The following CDH13 variants were observed in gnomAD, a reference collection of about 807,000 sequenced individuals.
CDH13 encodes cadherin-13.
In CDH13, 24 loss-of-function variants were observed where a neutral mutation model predicts 63.8. That is an observed-to-expected ratio of 0.38 (90% CI 0.27 to 0.53). The LOEUF (loss-of-function observed/expected upper bound fraction) is 0.53, where lower values mean the gene tolerates loss of function less well. CDH13 is among the 20% of genes least tolerant of loss of function. The probability of loss-of-function intolerance (pLI) is 0.85; values close to 1 mark genes in which losing one functional copy is unlikely to be tolerated. For missense variants in CDH13, 1,049 were observed against 903.1 expected, an observed-to-expected ratio of 1.16 and a Z score of -2.07; for synonymous variants, 503 against 355.3, an observed-to-expected ratio of 1.42 and a Z score of -4.67.
chr16:83,428,852 C>G (rs533954321), intron 6 of CDH13, among the ~76,000 whole-genome samples: 1 of 152,302 alleles, frequency 6.6e-6, no homozygotes, highest in African/African-American at 2.4e-5. Flanking sequence ...CCCCATCTTC[C>G]AGTGCATTCA....
chr16:82,636,847 G>A (rs34280504), intron 1 of CDH13, among the ~76,000 whole-genome samples: 18,426 of 152,140 alleles, frequency 0.12, 1,301 homozygotes, highest in East Asian at 0.34. Flanking sequence ...ATTTGAATCT[G>A]CCAACCTGAG....
intron 2 of CDH13, among the ~76,000 whole-genome samples, chr16:82,896,399 C>T (rs2041264124): frequency 6.7e-6 from 1 of 149,522 alleles, no homozygotes; most frequent in South Asian, 2.1e-4. Context: ...TCAAGTAATC[C>T]TCCCACCTCT....
chr16:82,768,013 G>C (rs894983015), intron 1 of CDH13, among the ~76,000 whole-genome samples: 1 of 152,092 alleles, frequency 6.6e-6, no homozygotes, highest in Non-Finnish European at 1.5e-5. Flanking sequence ...CCATCCCTGA[G>C]TCATGGGCGT....
At chr16:82,923,334 C>T (rs2042213422) in intron 2 of CDH13, among the ~76,000 whole-genome samples, 1 of 152,132 alleles carries the variant, frequency 6.6e-6, no homozygotes, top group African/African-American at 2.4e-5. Flanking sequence ...GCATGGTATG[C>T]TCAGAACTAC....
chr16:82,630,616 G>A (rs1053371894), intron 1 of CDH13, among the ~76,000 whole-genome samples: 11 of 152,162 alleles, frequency 7.2e-5, no homozygotes, highest in Non-Finnish European at 1.2e-4. Flanking sequence ...ATCAGCACTT[G>A]GATGTGTAAA....
chr16:83,442,786 A>G (rs188688593), intron 6 of CDH13, among the ~76,000 whole-genome samples: 3 of 152,382 alleles, frequency 2.0e-5, no homozygotes, highest in Admixed American at 6.5e-5. Flanking sequence ...AAGATGTAAA[A>G]TGTTTATAAA....
chr16:83,426,197 C>G (rs1028318878), intron 6 of CDH13, among the ~76,000 whole-genome samples: 2 of 152,134 alleles, frequency 1.3e-5, no homozygotes, highest in African/African-American at 4.8e-5. Context: ...TTCACTCCTC[C>G]CAGCCTCTGG....
At chr16:82,893,957 C>G (rs911481592) in intron 2 of CDH13, among the ~76,000 whole-genome samples, 1 of 152,190 alleles carries the variant, frequency 6.6e-6, no homozygotes, top group East Asian at 1.9e-4. Flanking sequence ...TCCTGCTCTA[C>G]TTTAATCCAG....
chr16:83,009,351 A>G (rs565065722), intron 2 of CDH13, among the ~76,000 whole-genome samples: 1 of 152,220 alleles, frequency 6.6e-6, no homozygotes, highest in Non-Finnish European at 1.5e-5. Flanking sequence ...AGATTATGAT[A>G]TTTATTCAAA....
intron 4 of CDH13, among the ~76,000 whole-genome samples, chr16:83,192,241 A>C (rs928159509): frequency 1.3e-5 from 2 of 152,160 alleles, no homozygotes; most frequent in Admixed American, 6.5e-5. Context: ...CCGCTTCTGT[A>C]AACACTGTAC....
intron 2 of CDH13, among the ~76,000 whole-genome samples, chr16:82,863,531 A>C (rs1440620851): frequency 6.6e-6 from 1 of 152,142 alleles, no homozygotes; most frequent in Non-Finnish European, 1.5e-5. Flanking sequence ...CACATCCTCC[A>C]AGTTTGAATT....
At chr16:83,397,604 A>T (rs1245765186) in intron 6 of CDH13, 1 of 152,120 alleles carries the variant, frequency 6.6e-6, no homozygotes. Flanking sequence ...TATCACCCCA[A>T]TACTTAGGAG....
chr16:83,793,524 G>A (rs1348033556), intron 13 of CDH13, among the ~76,000 whole-genome samples: 1 of 152,164 alleles, frequency 6.6e-6, no homozygotes, highest in Non-Finnish European at 1.5e-5. Flanking sequence ...CGTTCTCAAA[G>A]TCTGCAACAC....
chr16:83,244,877 C>A (rs547537420), intron 5 of CDH13, among the ~76,000 whole-genome samples: 1 of 152,276 alleles, frequency 6.6e-6, no homozygotes, highest in East Asian at 1.9e-4. Flanking sequence ...AATCTGGTCA[C>A]ATAGGCACCC....
intron 2 of CDH13, among the ~76,000 whole-genome samples, chr16:82,964,050 A>G (rs1907447350): frequency 6.6e-6 from 1 of 152,156 alleles, no homozygotes; most frequent in African/African-American, 2.4e-5. Flanking sequence ...CTTTGTGTGC[A>G]CAATGCCGTG....
At chr16:83,194,083 T>C (rs2038804245) in intron 4 of CDH13, among the ~76,000 whole-genome samples, 1 of 152,188 alleles carries the variant, frequency 6.6e-6, no homozygotes, top group African/African-American at 2.4e-5. Context: ...TTCTGTGCCT[T>C]ACAATTTTCA....
chr16:83,021,038 G>T (rs574634618), intron 2 of CDH13, among the ~76,000 whole-genome samples: 15 of 152,302 alleles, frequency 9.8e-5, no homozygotes, highest in African/African-American at 3.6e-4. Flanking sequence ...TAAGGGCCTT[G>T]TCAGAGACGT....
intron 2 of CDH13, among the ~76,000 whole-genome samples, chr16:82,917,270 T>C (rs1216943240): frequency 2.0e-5 from 3 of 152,178 alleles, no homozygotes; most frequent in Non-Finnish European, 4.4e-5. Context: ...CTGATCTCCA[T>C]TGGGTGGGTC....
intron 2 of CDH13, among the ~76,000 whole-genome samples, chr16:82,952,168 G>C (rs905342074): frequency 2.6e-5 from 4 of 152,162 alleles, no homozygotes; most frequent in African/African-American, 9.7e-5. Flanking sequence ...TCACTTTGAA[G>C]AACTGGTCTC....
Sources: allele counts gnomAD v4.1 joint callset (sites outside exome capture counted in the v4.1 genomes callset), GRCh38; gene constraint gnomAD v4.1.1; transcripts MANE v1.5; gene names NCBI Gene and HGNC (gene_info 2026-07-23, HGNC 2026-07-21).